Variants in EIF4G3 observed in about 807,000 individuals in gnomAD.
EIF4G3 encodes the protein eIF-4-gamma 3.
In EIF4G3, 34 loss-of-function variants were observed where a neutral mutation model predicts 186.4. The ratio of observed to expected loss-of-function variants is 0.18; its 90% CI spans 0.14 to 0.24. The LOEUF (loss-of-function observed/expected upper bound fraction) is 0.24, where lower values mean the gene tolerates loss of function less well. EIF4G3 is among the 10% of genes least tolerant of loss of function. EIF4G3 has a pLI of 1.00. For synonymous variants in EIF4G3, 673 were observed against 679.5 expected, an observed-to-expected ratio of 0.99 and a Z score of 0.15; for missense variants, 1,536 against 1,948.5, an observed-to-expected ratio of 0.79 and a Z score of 3.99.
At chr1:20,995,998 G>C (rs1428403040) in intron 7 of EIF4G3, among the ~76,000 whole-genome samples, 2 of 152,018 alleles carry the variant, frequency 1.3e-5, no homozygotes, top group Non-Finnish European at 2.9e-5. Context: ...CTCTCTTTTA[G>C]GAGTATTTGC....
chr1:21,168,829 T>C (rs2097905586), intron 2 of EIF4G3, among the ~76,000 whole-genome samples: 1 of 151,710 alleles, frequency 6.6e-6, no homozygotes, highest in Non-Finnish European at 1.5e-5. Flanking sequence ...TGACCACTAA[T>C]ATTAAAATCC....
Position 20,851,401 on chromosome 1 carries a change from C to T in EIF4G3, c.3629G>A (p.Gly1210Asp), listed in dbSNP as rs766745189. Residue 1210 changes from glycine to aspartate, a missense_variant, in exon 28 of 37, where the codon GGT (glycine) becomes GAT (aspartate). Around this residue, in one of 11 missense-constraint regions of EIF4G3, gnomAD observed 395 missense variants for 498.9 expected, o/e 0.79. Coordinates refer to ENST00000602326, the MANE Select transcript of EIF4G3 (RefSeq NM_001391906.1). Reference sequence around the variant, plus strand: ...GTCTAGCAGGTCTTTACTGCTGCCACCCCTCATGAAAGTATTTGGCCGAGC... The same window carrying T: ...GTCTAGCAGGTCTTTACTGCTGCCATCCCTCATGAAAGTATTTGGCCGAGC... ...ATARPNTFMR[G>D]GSSKDLLDNQ... 1 of 1,614,028 alleles carries T rather than the reference C, an allele frequency of 6.2e-7. No homozygotes were observed. The highest frequency in any genetic ancestry group is 1.3e-5 in the African/African-American group (1 of 74,892).
At chr1:21,076,303 C>T (rs1313979041) in intron 3 of EIF4G3, among the ~76,000 whole-genome samples, 1 of 151,976 alleles carries the variant, frequency 6.6e-6, no homozygotes, top group African/African-American at 2.4e-5. Flanking sequence ...AAATAAATGA[C>T]AGTAGAAACA....
intron 2 of EIF4G3, among the ~76,000 whole-genome samples, chr1:21,109,287 A>G (rs936576235): frequency 2.0e-5 from 3 of 152,138 alleles, no homozygotes; most frequent in Admixed American, 2.0e-4. Flanking sequence ...TTTTTCCACT[A>G]TTTTATGTCT....
At chr1:20,950,151 C>A in intron 12 of EIF4G3, 40 bp from the exon 13 acceptor site, 1 of 1,456,012 alleles carries the variant, frequency 6.9e-7, no homozygotes. Flanking sequence ...AATGAGCGTG[C>A]GAACATAAAA....
rs372201317 is a variant in EIF4G3 at position 20,980,833 on chromosome 1, A to G, written c.378+215T>C. Among the ~76,000 whole-genome samples the G allele has an allele frequency of 2.0e-5, 3 of 152,346 alleles. No homozygotes were observed. In the South Asian group the frequency reaches 6.2e-4, roughly 32 times the overall value. Reference sequence around the variant, plus strand: ...GGGAGAAAGCAAGTAGATAAAAACAATTTATCATTTTAAAAAATTTTAAGT... The same window carrying G: ...GGGAGAAAGCAAGTAGATAAAAACAGTTTATCATTTTAAAAAATTTTAAGT... On this transcript the variant is annotated intron_variant, in intron 9 of 36. Transcript: ENST00000602326.
intron 20 of EIF4G3, among the ~76,000 whole-genome samples, chr1:20,868,728 T>A (rs1571939475): frequency 6.6e-6 from 1 of 152,318 alleles, no homozygotes; most frequent in East Asian, 1.9e-4. Flanking sequence ...AAATGGGTTG[T>A]TCGGGACGGG....
At chr1:21,042,230 A>C (rs2093626242) in intron 4 of EIF4G3, among the ~76,000 whole-genome samples, 1 of 152,158 alleles carries the variant, frequency 6.6e-6, no homozygotes. Flanking sequence ...TGCCCACCTC[A>C]GCCTCCCAAA....
intron 2 of EIF4G3, among the ~76,000 whole-genome samples, chr1:21,110,861 C>T (rs1221455002): frequency 6.6e-6 from 1 of 152,222 alleles, no homozygotes; most frequent in African/African-American, 2.4e-5. Flanking sequence ...GCCACTGCGC[C>T]CAGACCCAGA....
In EIF4G3 at chr1:20,841,023, G is replaced by A. The variant is rs770389294; in HGVS notation, c.3894C>T (p.Ala1298=). 13 of 1,613,806 alleles carry A rather than the reference G, an allele frequency of 8.1e-6. No individual in the cohort carries two copies. Among genetic ancestry groups the A allele is most frequent in the Non-Finnish European group, 1.1e-5 (13 of 1,179,890 alleles). ...CATTCAGCTCTTCCACACACTGCAT[G>A]GCTTCCTGTTCCAACAGCAAAGAAA... ...EFLHINDFKE[A]MQCVEELNAQ... is the part of the protein sequence containing the mutation. Residue 1298 remains alanine (A), a synonymous_variant, in exon 30 of 37, where the codon GCC becomes GCT. Coordinates refer to ENST00000602326, the MANE Select transcript of EIF4G3 (RefSeq NM_001391906.1).
At chr1:21,025,498 G>A (rs537532484) in intron 4 of EIF4G3, among the ~76,000 whole-genome samples, 58 of 151,928 alleles carry the variant, frequency 3.8e-4, no homozygotes, top group South Asian at 8.3e-4. Context: ...AGAAACAGCA[G>A]GATTTTCTGA....
chr1:21,030,072 GT>G (rs1300543033), intron 4 of EIF4G3, among the ~76,000 whole-genome samples: 1 of 151,960 alleles, frequency 6.6e-6, no homozygotes, highest in East Asian at 1.9e-4. Flanking sequence ...TGGACCAGAT[GT>G]TTGAGGCCCA....
At chr1:20,854,197 A>G (rs1557930268) in intron 26 of EIF4G3, among the ~76,000 whole-genome samples, 2 of 152,110 alleles carry the variant, frequency 1.3e-5, no homozygotes, top group African/African-American at 4.8e-5. Context: ...TTTGGTCCTG[A>G]GGTCAAATCT....
chr1:20,874,296 A>T (rs557334274), intron 20 of EIF4G3, among the ~76,000 whole-genome samples: 1 of 152,316 alleles, frequency 6.6e-6, no homozygotes. Context: ...TCCCACCAAC[A>T]GTGTAAAAGC....
At chr1:21,123,336 G>A (rs2096960580) in intron 2 of EIF4G3, among the ~76,000 whole-genome samples, 2 of 152,054 alleles carry the variant, frequency 1.3e-5, no homozygotes, top group Non-Finnish European at 2.9e-5. Flanking sequence ...GCCGAGATGA[G>A]CAGATCACTT....
intron 7 of EIF4G3, among the ~76,000 whole-genome samples, chr1:20,989,131 C>T: frequency 7.7e-6 from 1 of 130,276 alleles, no homozygotes; most frequent in Non-Finnish European, 1.6e-5. Context: ...GGGAGAAGGC[C>T]AAAATATCAA....
At chr1:21,017,213 A>G (rs2089364088) in intron 4 of EIF4G3, among the ~76,000 whole-genome samples, 1 of 152,226 alleles carries the variant, frequency 6.6e-6, no homozygotes, top group African/African-American at 2.4e-5. Context: ...GCCAGTCACA[A>G]GAAAACAAAT....
rs560748311 is a variant in EIF4G3, at chr1:20,808,991, T to A, written c.4745-1491A>T. Among the ~76,000 whole-genome samples the A allele has an allele frequency of 2.0e-3, 311 of 152,146 alleles. 1 individual carries two copies. Among genetic ancestry groups the A allele is most frequent in the Middle Eastern group, 3.4e-3 (1 of 294 alleles). ...TGAGTCGTATTAACTTTTTTTTTTTTAAATGGAGTTTTGCTCTTTTTGCCC... is the reference window on the plus strand; with the variant it reads ...TGAGTCGTATTAACTTTTTTTTTTTAAAATGGAGTTTTGCTCTTTTTGCCC... On this transcript the variant is annotated intron_variant, in intron 36 of 36. Transcript: ENST00000602326.
intron 2 of EIF4G3, among the ~76,000 whole-genome samples, chr1:21,116,796 A>ACC (rs932719321): frequency 6.6e-6 from 1 of 150,502 alleles, no homozygotes; most frequent in African/African-American, 2.4e-5. Context: ...CCAAGATCAC[A>ACC]CCACTGCACT....
Sources: allele counts gnomAD v4.1 joint callset (sites outside exome capture counted in the v4.1 genomes callset), GRCh38; gene constraint gnomAD v4.1.1; regional missense constraint gnomAD v4.1.1; transcripts MANE v1.5; gene names NCBI Gene and HGNC (gene_info 2026-07-23, HGNC 2026-07-21).